Variants in PCDHA4 observed in about 807,000 individuals in gnomAD.
PCDHA4 encodes protocadherin alpha 4, also known as protocadherin alpha-4.
In PCDHA4, 49 loss-of-function variants were observed where a neutral mutation model predicts 61.4. The observed-to-expected ratio is 0.80, with a 90% CI of 0.63 to 1.01. PCDHA4 has a LOEUF of 1.01. Among genes scored for constraint, PCDHA4 ranks in the 50% least tolerant of loss-of-function variants. PCDHA4 has a pLI of 0.00. For synonymous variants in PCDHA4, 590 were observed against 550.3 expected, an observed-to-expected ratio of 1.07 and a Z score of -1.01; for missense variants, 1,254 against 1,235.8, an observed-to-expected ratio of 1.01 and a Z score of -0.22.
intron 1 of PCDHA4, among the ~76,000 whole-genome samples, chr5:140,840,646 T>C (rs2150308439): frequency 9.2e-5 from 14 of 151,994 alleles, no homozygotes; most frequent in African/African-American, 3.4e-4. Context: ...AGAGAAATAG[T>C]GTAAAGAATA....
rs2150161509 is a variant in PCDHA4, at chr5:140,828,980, C to T, written c.2385+19408C>T. On this transcript the variant is annotated intron_variant, in intron 1 of 3. Transcript: ENST00000530339. ...GGTTATTGACCACTTTAGCATAGAT[C>T]GAAATACGGGAGAAATAGTGATTCG... 18 of 1,613,888 alleles carry T rather than the reference C, an allele frequency of 1.1e-5. No homozygotes were observed. In the African/African-American group the frequency reaches 1.7e-4, roughly 16 times the overall value.
At chr5:140,955,296 G>A (rs1554221862) in intron 1 of PCDHA4, among the ~76,000 whole-genome samples, 1 of 151,904 alleles carries the variant, frequency 6.6e-6, no homozygotes, top group Admixed American at 6.6e-5. Context: ...GTTTGGCTGT[G>A]TCCCCACCCA....
intron 3 of PCDHA4, among the ~76,000 whole-genome samples, chr5:141,006,287 C>A (rs1407881243): frequency 6.6e-6 from 1 of 152,060 alleles, no homozygotes; most frequent in African/African-American, 2.4e-5. Flanking sequence ...TCTCAGCTCA[C>A]TGCAAGCTCC....
chr5:140,938,944 A>G (rs551824557), intron 1 of PCDHA4, among the ~76,000 whole-genome samples: 2 of 152,236 alleles, frequency 1.3e-5, no homozygotes, highest in South Asian at 2.1e-4. Context: ...TTCCATTCTT[A>G]TAATGCTCTA....
intron 3 of PCDHA4, among the ~76,000 whole-genome samples, chr5:141,002,081 G>T (rs1016567220): frequency 3.3e-5 from 5 of 152,220 alleles, no homozygotes; most frequent in South Asian, 2.1e-4. Flanking sequence ...GCCAAAGAAC[G>T]AGCAGTCCAG....
At chr5:140,836,816 T>G in intron 1 of PCDHA4, 1 of 1,201,468 alleles carries the variant, frequency 8.3e-7, no homozygotes, top group Non-Finnish European at 1.2e-6. Context: ...TCTTTCATAA[T>G]TTCTTTTTTA....
chr5:140,841,886 A>G, intron 1 of PCDHA4: 1 of 1,613,832 alleles, frequency 6.2e-7, no homozygotes, highest in South Asian at 1.1e-5. Context: ...GAACGATGAG[A>G]ATAAACTGGT....
At chr5:140,928,639 G>A in intron 1 of PCDHA4, 1 of 1,614,218 alleles carries the variant, frequency 6.2e-7, no homozygotes, top group Non-Finnish European at 8.5e-7. Context: ...GGTCACAAAA[G>A]TGGTAGCAGA....
intron 1 of PCDHA4, chr5:140,966,397 G>C (rs782390663): frequency 4.5e-5 from 18 of 404,120 alleles, no homozygotes; most frequent in Admixed American, 2.2e-4. Flanking sequence ...CCGCCACTTC[G>C]GCGCGGAATC....
chr5:140,941,939 T>C (rs2153657014), intron 1 of PCDHA4, among the ~76,000 whole-genome samples: 1 of 152,358 alleles, frequency 6.6e-6, no homozygotes, highest in African/African-American at 2.4e-5. Context: ...TTTGAATTAC[T>C]TTTGTTTTGA....
intron 1 of PCDHA4, among the ~76,000 whole-genome samples, chr5:140,975,601 G>A (rs943598203): frequency 1.2e-4 from 19 of 152,192 alleles, no homozygotes; most frequent in African/African-American, 4.6e-4. Flanking sequence ...GCAATTTGTT[G>A]ATGTCTTCCA....
rs2150233452 is a variant in PCDHA4 at position 140,835,299 on chromosome 5, G to A, written c.2385+25727G>A. 44 of 1,612,788 alleles carry A rather than the reference G, an allele frequency of 2.7e-5. No homozygotes were observed. The East Asian group carries it at 6.0e-4, about 22-fold the overall frequency. On this transcript the variant is annotated intron_variant, in intron 1 of 3. Transcript: ENST00000530339. ...CTTAAGTGGGGCAATCACAGTGATA[G>A]GACATATGGATTTTGAAGAAAGTAG...
intron 1 of PCDHA4, chr5:140,863,441 C>T (rs1430733740): frequency 1.0e-5 from 6 of 601,724 alleles, no homozygotes; most frequent in Non-Finnish European, 1.9e-5. Context: ...TCTGGTCTTA[C>T]TCGCAGCAAA....
chr5:141,010,260 C>T lies in PCDHA4; in HGVS notation c.*323C>T, dbSNP rs906685521. The stretch of plus-strand genomic sequence containing the variant: ...GAGAGGTTGGACTCTCTGCCCTGTG[C>T]TCCGGGGATCCTGTCTTGATGACAC... On this transcript the variant is annotated 3_prime_UTR_variant, in exon 4 of 4. Transcript: ENST00000530339. 6.4e-7 allele frequency: 1 copy of T among 1,551,674 alleles called. No individual in the cohort carries two copies. The highest frequency in any genetic ancestry group is 1.4e-5 in the African/African-American group (1 of 73,028).
intron 1 of PCDHA4, chr5:140,877,716 G>A: frequency 6.2e-7 from 1 of 1,614,116 alleles, no homozygotes; most frequent in Non-Finnish European, 8.5e-7. Context: ...TGGGGAGTTG[G>A]TCTTACTCGC....
rs782761972 is a variant in PCDHA4, at chr5:140,927,978, T to C, written c.2386-50971T>C. 9.9e-6 allele frequency: 16 copies of C among 1,614,092 alleles called. No individual in the cohort carries two copies. In the East Asian group the frequency reaches 1.8e-4, roughly 18 times the overall value. ...CCCCTGGCACAGTGATTGCTCTCTTTAGTGTAAAGGATGAAGACCTCGATT... is the reference window on the plus strand; with the variant it reads ...CCCCTGGCACAGTGATTGCTCTCTTCAGTGTAAAGGATGAAGACCTCGATT... On this transcript the variant is annotated intron_variant, in intron 1 of 3. Coordinates refer to ENST00000530339, the MANE Select transcript of PCDHA4 (RefSeq NM_018907.4).
At chr5:140,895,253 CT>C (rs1411327383) in intron 1 of PCDHA4, among the ~76,000 whole-genome samples, 2 of 151,968 alleles carry the variant, frequency 1.3e-5, no homozygotes, top group Non-Finnish European at 2.9e-5. Context: ...TCAAAGCTTT[CT>C]TTTTTTTCTT....
At chr5:140,875,947 GA>G in intron 1 of PCDHA4, 1 of 1,614,184 alleles carries the variant, frequency 6.2e-7, no homozygotes, top group Non-Finnish European at 8.5e-7. Context: ...GGGCGCTTCT[GA>G]TGCGGATATC....
At chr5:140,906,891 T>C (rs2073026399) in intron 1 of PCDHA4, among the ~76,000 whole-genome samples, 1 of 152,152 alleles carries the variant, frequency 6.6e-6, no homozygotes, top group South Asian at 2.1e-4. Context: ...CCTTCTTAGA[T>C]TGTTGGTTTA....
Sources: allele counts gnomAD v4.1 joint callset (sites outside exome capture counted in the v4.1 genomes callset), GRCh38; gene constraint gnomAD v4.1.1; transcripts MANE v1.5; gene names NCBI Gene and HGNC (gene_info 2026-07-23, HGNC 2026-07-21).